RP1: variants seen among roughly 807,000 people sequenced by gnomAD.
RP1 encodes RP1 axonemal microtubule associated.
Under a neutral mutation model 14.8 loss-of-function variants are expected in RP1, and 16 were observed. That is an observed-to-expected ratio of 1.08 (90% confidence interval 0.73 to 1.65). RP1 has a LOEUF of 1.65. Among genes scored for constraint, RP1 ranks in the 40% most tolerant of loss-of-function variants. The pLI is 0.00. For synonymous variants in RP1, 876 were observed against 883.6 expected (o/e 0.99, Z 0.15); for missense variants, 2,631 against 2,535.0 (o/e 1.04, Z -0.81).
intron 15 of RP1, among the ~76,000 whole-genome samples, chr8:54,707,717 A>G (rs762380474): frequency 3.2e-4 from 48 of 152,192 alleles, no homozygotes; most frequent in Non-Finnish European, 6.2e-4. Flanking sequence ...TTGACCTTTC[A>G]TGGTTCCCAG....
rs377752803 is a variant in RP1, at chr8:54,628,791, G to A, written c.4909G>A (p.Gly1637Ser). ...FVKRAIEKLY[G>S]KADIIKPSFF... ...TAAAAGGGCAATAGAAAAACTGTAC[G>A]GTAAAGCAGATATTATCAAACCATC... The change falls in exon 4 of 4, where the codon GGT (glycine) becomes AGT (serine). Residue 1637 changes from glycine to serine, a missense_variant. Coordinates refer to ENST00000220676, the MANE Select transcript of RP1 (RefSeq NM_006269.2). 24 of 1,614,026 alleles carry A rather than the reference G, an allele frequency of 1.5e-5. No homozygotes were observed. The highest frequency in any genetic ancestry group is 1.6e-4 in the Middle Eastern group (1 of 6,062).
intron 18 of RP1, among the ~76,000 whole-genome samples, chr8:54,736,951 C>T (rs1808946709): frequency 6.6e-6 from 1 of 152,110 alleles, no homozygotes; most frequent in African/African-American, 2.4e-5. Context: ...TGAATTGACA[C>T]ATTTATACAC....
chr8:54,599,129 T>G (rs575853477), intron 1 of RP1, among the ~76,000 whole-genome samples: 3 of 152,226 alleles, frequency 2.0e-5, no homozygotes, highest in Admixed American at 6.5e-5. Flanking sequence ...CTGTTCAATT[T>G]TTTTTTCAAT....
intron 1 of RP1, among the ~76,000 whole-genome samples, chr8:54,603,752 A>C (rs942977035): frequency 6.6e-6 from 1 of 152,290 alleles, no homozygotes; most frequent in Admixed American, 6.5e-5. Context: ...GAAGTCCTTC[A>C]CATCCCTTGT....
intron 9 of RP1, among the ~76,000 whole-genome samples, chr8:54,679,249 G>A (rs748478498): frequency 6.6e-6 from 1 of 152,148 alleles, no homozygotes; most frequent in Non-Finnish European, 1.5e-5. Flanking sequence ...TGCAGTCTTA[G>A]AGTCATTTTA....
Position 54,625,327 on chromosome 8 carries a change from A to G in RP1, c.1445A>G (p.Gln482Arg), listed in dbSNP as rs1436992053. 6.2e-7 allele frequency: 1 copy of G among 1,614,190 alleles called. No individual in the cohort carries two copies. The change falls in exon 4 of 4, where the codon CAG (glutamine) becomes CGG (arginine). Residue 482 changes from glutamine (Q) to arginine (R), a missense_variant. Physicochemically the swap from Gln to Arg is conservative, Grantham distance 43. Coordinates refer to ENST00000220676, the MANE Select transcript of RP1 (RefSeq NM_006269.2). ...ETEVQEKMIG[Q>R]FSYSEERESG... ...GAGGTTCAAGAGAAAATGATTGGAC[A>G]GTTTTCATATAGTGAAGAAAGGGAA...
chr8:54,775,707 C>A (rs927684600), intron 23 of RP1, among the ~76,000 whole-genome samples: 3 of 152,150 alleles, frequency 2.0e-5, no homozygotes, highest in Non-Finnish European at 4.4e-5. Context: ...CATTGTTTTG[C>A]GCCATCAAGT....
At position 54,626,375 on chromosome 8, in the gene RP1, A is replaced by G. The variant is rs1303426400; in HGVS notation, c.2493A>G (p.Lys831=). The change falls in exon 4 of 4, where the codon AAA becomes AAG. Residue 831 remains lysine, a synonymous_variant. Coordinates refer to ENST00000220676, the MANE Select transcript of RP1 (RefSeq NM_006269.2). ...TTAACATCCTTGAGCAAAAACCCAAAGATTTTTATGCACCGCAATCTCAAG... is the reference window on the plus strand; with the variant it reads ...TTAACATCCTTGAGCAAAAACCCAAGGATTTTTATGCACCGCAATCTCAAG... The part of the protein sequence containing the change: ...HVFNILEQKP[K]DFYAPQSQAE... The G allele has an allele frequency of 1.2e-6, 2 of 1,613,662 alleles. No homozygotes were observed. The highest frequency in any genetic ancestry group is 1.7e-6 in the Non-Finnish European group (2 of 1,179,888).
intron 1 of RP1, among the ~76,000 whole-genome samples, chr8:54,603,022 G>T (rs1244440716): frequency 2.0e-5 from 3 of 152,286 alleles, no homozygotes; most frequent in African/African-American, 2.4e-5. Context: ...CTTCTGCTGT[G>T]TGGAAGCTCT....
At chr8:54,622,672 G>T (rs79414542) in intron 3 of RP1, among the ~76,000 whole-genome samples, 4,476 of 152,268 alleles carry the variant, frequency 0.029, 128 homozygotes, top group African/African-American at 0.066. Context: ...ACCTCAGCAG[G>T]TTAGCAGAAT....
chr8:54,790,112 G>A (rs1810426312), intron 24 of RP1, among the ~76,000 whole-genome samples: 1 of 152,102 alleles, frequency 6.6e-6, no homozygotes, highest in Non-Finnish European at 1.5e-5. Flanking sequence ...GGCAATTGTG[G>A]AGCCCAGCCA....
chr8:54,682,157 C>G (rs1807449932), intron 12 of RP1, among the ~76,000 whole-genome samples: 1 of 152,130 alleles, frequency 6.6e-6, no homozygotes, highest in Non-Finnish European at 1.5e-5. Context: ...TACATTCCCA[C>G]CAACAGTGTA....
intron 27 of RP1, among the ~76,000 whole-genome samples, chr8:54,858,489 A>C: frequency 6.6e-6 from 1 of 152,036 alleles, no homozygotes; most frequent in African/African-American, 2.4e-5. Context: ...GAGTGATGTT[A>C]CTGCAGAGTG....
intron 8 of RP1, among the ~76,000 whole-genome samples, chr8:54,675,773 T>A (rs1807283671): frequency 6.6e-6 from 1 of 152,182 alleles, no homozygotes; most frequent in African/African-American, 2.4e-5. Flanking sequence ...TCTGTCTTAT[T>A]TTCTGCTGAG....
At chr8:54,692,763 A>G (rs1353863323) in intron 12 of RP1, among the ~76,000 whole-genome samples, 2 of 150,252 alleles carry the variant, frequency 1.3e-5, no homozygotes, top group Admixed American at 6.7e-5. Context: ...CCCATTCTGT[A>G]GGTTGCCTGT....
chr8:54,743,010 G>A (rs1809136219), intron 19 of RP1, among the ~76,000 whole-genome samples: 1 of 152,140 alleles, frequency 6.6e-6, no homozygotes, highest in South Asian at 2.1e-4. Flanking sequence ...AGTAAAGTGG[G>A]TAGAACACTA....
downstream of RP1, chr8:54,770,285 G>T: frequency 2.5e-6 from 1 of 395,014 alleles, no homozygotes; most frequent in Non-Finnish European, 4.5e-6. Context: ...ACTATTGATT[G>T]AAAAATACTT....
intron 1 of RP1, among the ~76,000 whole-genome samples, chr8:54,583,384 C>A (rs559439083): frequency 1.3e-5 from 2 of 152,296 alleles, no homozygotes; most frequent in Admixed American, 6.5e-5. Context: ...TTTTGATGTG[C>A]TGCTGGATTC....
chr8:54,851,225 G>C (rs1269896269), intron 25 of RP1, among the ~76,000 whole-genome samples: 1 of 152,194 alleles, frequency 6.6e-6, no homozygotes, highest in Admixed American at 6.5e-5. Context: ...TGTGATGGTT[G>C]AGGAAGGGCT....
Sources: gnomAD v4.1 joint callset for allele counts (sites outside exome capture counted in the v4.1 genomes callset) on GRCh38, gnomAD v4.1.1 for gene constraint, MANE v1.5 for transcripts, NCBI Gene and HGNC (gene_info 2026-07-23, HGNC 2026-07-21) for gene names.